The following KDM5B variants were observed in gnomAD, a reference collection of about 807,000 sequenced individuals.
KDM5B encodes lysine-specific demethylase 5B.
A neutral mutation model predicts 193.4 loss-of-function variants in KDM5B; 144 were observed. That is an observed-to-expected ratio of 0.74 (90% CI 0.65 to 0.86). The LOEUF is 0.86. KDM5B is among the 40% of genes least tolerant of loss of function. KDM5B has a pLI of 0.00. For missense variants in KDM5B, 1,833 were observed against 1,886.9 expected, an observed-to-expected ratio of 0.97 and a Z score of 0.53; for synonymous variants, 668 against 682.6, an observed-to-expected ratio of 0.98 and a Z score of 0.33.
intron 25 of KDM5B, among the ~76,000 whole-genome samples, chr1:202,730,299 C>G (rs1654834080): frequency 1.3e-5 from 2 of 152,102 alleles, no homozygotes; most frequent in African/African-American, 4.8e-5. Flanking sequence ...ATTAACCAAC[C>G]AATACCAGAA....
chr1:202,743,078 G>C (rs1049595862), intron 16 of KDM5B, among the ~76,000 whole-genome samples: 5 of 152,114 alleles, frequency 3.3e-5, no homozygotes, highest in African/African-American at 7.2e-5. Flanking sequence ...GCTCACGCCT[G>C]TAAATCCCAG....
At chr1:202,777,644 T>G (rs567099334) in intron 1 of KDM5B, among the ~76,000 whole-genome samples, 2 of 152,000 alleles carry the variant, frequency 1.3e-5, no homozygotes, top group Non-Finnish European at 2.9e-5. Flanking sequence ...AGGTGAACAC[T>G]ACCACACTCA....
At chr1:202,735,923 T>G (rs893253503) in intron 21 of KDM5B, among the ~76,000 whole-genome samples, 23 of 152,366 alleles carry the variant, frequency 1.5e-4, no homozygotes, top group African/African-American at 4.8e-4. Context: ...TCAGGCTTAC[T>G]AAATTCAGGT....
At position 202,728,897 on chromosome 1, in the gene KDM5B, T is replaced by G. The variant is rs1389830143; in HGVS notation, c.*139A>C. The G allele has an allele frequency of 1.1e-6, 1 of 926,868 alleles. No individual in the cohort carries two copies. The highest frequency in any genetic ancestry group is 1.6e-6 in the Non-Finnish European group (1 of 636,154). 57.4% of individuals were successfully genotyped at this position (926,868 alleles called of 1,614,324 possible). ...TTTTCTTCAAAGAGTCCTGGAAAAA[T>G]GATCCCATAAGGAATAGAAATAGCA... is the stretch of plus-strand genomic sequence containing the variant. On this transcript the variant is annotated 3_prime_UTR_variant, in exon 27 of 27. Transcript: ENST00000367265.
At chr1:202,775,728 C>T (rs906911919) in intron 2 of KDM5B, among the ~76,000 whole-genome samples, 2 of 146,130 alleles carry the variant, frequency 1.4e-5, no homozygotes, top group Non-Finnish European at 3.0e-5. Context: ...TGGTGGTATA[C>T]GTCTGTAATG....
At chr1:202,755,185 C>A in intron 11 of KDM5B, 86 bp downstream of exon 11, 1 of 969,772 alleles carries the variant, frequency 1.0e-6, no homozygotes, top group Non-Finnish European at 1.6e-6. Flanking sequence ...GCTCTTCAGA[C>A]ACAGTTAAGA....
intron 1 of KDM5B, among the ~76,000 whole-genome samples, chr1:202,787,208 C>T (rs1657448976): frequency 1.3e-5 from 2 of 152,052 alleles, no homozygotes; most frequent in African/African-American, 2.4e-5. Context: ...GTCAGTCTTG[C>T]TATGTTGACT....
At position 202,800,577 on chromosome 1, in the gene KDM5B, C is replaced by T. The variant is rs553591166; in HGVS notation, c.204+7525G>A. Reference sequence around the variant, plus strand: ...CTGATCTCAAACGCCTGACCTCAAGCGATCCTCCTGCCTGGAGCCTCCCAA... The same window carrying T: ...CTGATCTCAAACGCCTGACCTCAAGTGATCCTCCTGCCTGGAGCCTCCCAA... On this transcript the variant is annotated intron_variant, in intron 1 of 26. Coordinates refer to ENST00000367265, the MANE Select transcript of KDM5B (RefSeq NM_006618.5). Among the ~76,000 whole-genome samples, 5 of 151,704 alleles carry T rather than the reference C, an allele frequency of 3.3e-5. No individual in the cohort carries two copies. The South Asian group carries it at 6.3e-4, about 19-fold the overall frequency.
rs7526150 is a variant in KDM5B at position 202,751,573 on chromosome 1, T to C, written c.1702-795A>G. Among the ~76,000 whole-genome samples, 331 of 152,254 alleles carry C rather than the reference T, an allele frequency of 2.2e-3. 1 individual carries two copies. Among genetic ancestry groups the C allele is most frequent in the Non-Finnish European group, 3.3e-3 (225 of 68,030 alleles). ...CCTCCTTCCCTGACTCTGCCAAACA[T>C]GTGATAATTTATCAGAGTTCCAGCT... On this transcript the variant is annotated intron_variant, in intron 12 of 26. Transcript: ENST00000367265.
intron 1 of KDM5B, among the ~76,000 whole-genome samples, chr1:202,788,502 C>T (rs1257148840): frequency 2.0e-5 from 3 of 152,170 alleles, no homozygotes; most frequent in Non-Finnish European, 4.4e-5. Flanking sequence ...GCATTCGTCA[C>T]ATTAAATTCC....
At chr1:202,755,824 G>A (rs10800861) in intron 10 of KDM5B, among the ~76,000 whole-genome samples, 102,218 of 151,928 alleles carry the variant, frequency 0.67, 37,016 homozygotes, top group Admixed American at 0.82. Flanking sequence ...GAGAGCGGGC[G>A]AAAAGGGAAC....
intron 20 of KDM5B, among the ~76,000 whole-genome samples, chr1:202,739,537 G>A (rs572295081): frequency 1.3e-4 from 19 of 151,526 alleles, no homozygotes; most frequent in African/African-American, 4.4e-4. Flanking sequence ...GAGTTGGCAG[G>A]GTCATAGGAC....
intron 2 of KDM5B, among the ~76,000 whole-genome samples, chr1:202,775,672 A>G (rs1656912704): frequency 6.6e-6 from 1 of 151,270 alleles, no homozygotes; most frequent in Admixed American, 6.6e-5. Flanking sequence ...CCTGGCCAAC[A>G]TGGTGAAACC....
chr1:202,741,014 G>C (rs1183595865), intron 19 of KDM5B, among the ~76,000 whole-genome samples: 2 of 151,992 alleles, frequency 1.3e-5, no homozygotes, highest in African/African-American at 4.8e-5. Flanking sequence ...TTCTCTTTAA[G>C]ACTCCTTGGA....
chr1:202,750,860 G>C (rs1655761810), intron 12 of KDM5B, 82 bp from the exon 13 acceptor site: 2 of 1,403,938 alleles, frequency 1.4e-6, no homozygotes, highest in Middle Eastern at 1.8e-4. Flanking sequence ...CAGTCTATTA[G>C]ATAATTTTCA....
chr1:202,746,670 G>T (rs922902739), intron 14 of KDM5B: 4 of 172,564 alleles, frequency 2.3e-5, no homozygotes, highest in Admixed American at 1.9e-4. Flanking sequence ...GTATAGATAA[G>T]ATTAAAAGAA....
intron 5 of KDM5B, 110 bp from the exon 6 acceptor site, chr1:202,764,255 G>A: frequency 1.8e-6 from 1 of 567,372 alleles, no homozygotes; most frequent in Non-Finnish European, 3.0e-6. Context: ...TCTATTAACA[G>A]GGCATTCAAA....
chr1:202,741,689 G>A lies in KDM5B; in HGVS notation c.2623C>T (p.His875Tyr). The change falls in exon 19 of 27, where the codon CAT becomes TAT. Residue 875 changes from histidine to tyrosine, a missense_variant. Physicochemically the swap from His to Tyr is moderately conservative, Grantham distance 83. Coordinates refer to ENST00000367265, the MANE Select transcript of KDM5B (RefSeq NM_006618.5). ...TCCTCAGAGAGTAGTTTCTGACTAT[G>A]CTGTTGAAAATCTTCTACACGATTC... ...LLNRVEDFQQ[H>Y]SQKLLSEETP... is the part of the protein sequence containing the mutation. The A allele has an allele frequency of 6.2e-7, 1 of 1,612,068 alleles. No homozygotes were observed. Among genetic ancestry groups the A allele is most frequent in the South Asian group, 1.1e-5 (1 of 91,056 alleles).
rs1238376485 is a variant in KDM5B, at chr1:202,740,086, G to A, written c.3084+588C>T. 5.3e-5 allele frequency among the ~76,000 whole-genome samples: 8 copies of A among 150,944 alleles called. No individual in the cohort carries two copies. In the South Asian group the frequency reaches 1.0e-3, roughly 20 times the overall value. Reference sequence around the variant, plus strand: ...GCGCCCCTCACCTCCCGGACGGGGCGGCTGGCCGGGCATGGGGCTGACCCC... The same window carrying A: ...GCGCCCCTCACCTCCCGGACGGGGCAGCTGGCCGGGCATGGGGCTGACCCC... On this transcript the variant is annotated intron_variant, in intron 20 of 26. Transcript: ENST00000367265.
Sources: allele counts gnomAD v4.1 joint callset (sites outside exome capture counted in the v4.1 genomes callset), GRCh38; gene constraint gnomAD v4.1.1; transcripts MANE v1.5; gene names NCBI Gene and HGNC (gene_info 2026-07-23, HGNC 2026-07-21).